The following PAX3 variants were observed in gnomAD, a reference collection of about 807,000 sequenced individuals.
The protein encoded by PAX3 is paired box protein Pax-3.
In PAX3, 14 loss-of-function variants were observed where a neutral mutation model predicts 51.6. That is an observed-to-expected ratio of 0.27 (90% confidence interval 0.18 to 0.42). The LOEUF is 0.42. Ranked by LOEUF, PAX3 falls within the 10% of genes least tolerant of loss-of-function variation. The pLI is 1.00. For synonymous variants in PAX3, 280 were observed against 253.4 expected (o/e 1.11, Z -1.00); for missense variants, 540 against 642.8 (o/e 0.84, Z 1.73).
intron 4 of PAX3, among the ~76,000 whole-genome samples, chr2:222,272,286 C>T (rs373316267): frequency 6.6e-6 from 1 of 152,150 alleles, no homozygotes; most frequent in Admixed American, 6.6e-5. Flanking sequence ...TCATTATACC[C>T]CTTCTCCCAA....
intron 4 of PAX3, among the ~76,000 whole-genome samples, chr2:222,285,916 C>A (rs1382619100): frequency 1.3e-5 from 2 of 152,200 alleles, no homozygotes; most frequent in Non-Finnish European, 2.9e-5. Flanking sequence ...AGTCTCCCAT[C>A]CCTGTCACAA....
intron 5 of PAX3, among the ~76,000 whole-genome samples, chr2:222,228,463 C>A (rs2106088161): frequency 6.6e-6 from 1 of 152,298 alleles, no homozygotes; most frequent in South Asian, 2.1e-4. Flanking sequence ...GGGTGCTGTA[C>A]AAGCTACATG....
intron 4 of PAX3, among the ~76,000 whole-genome samples, chr2:222,242,998 G>A (rs1409306993): frequency 1.3e-5 from 2 of 152,142 alleles, no homozygotes; most frequent in Non-Finnish European, 2.9e-5. Flanking sequence ...GAGATAACAA[G>A]TTAGTTATAC....
intron 4 of PAX3, among the ~76,000 whole-genome samples, chr2:222,234,680 G>A (rs777942193): frequency 2.0e-5 from 3 of 152,082 alleles, no homozygotes; most frequent in Non-Finnish European, 2.9e-5. Context: ...TGATTCTACC[G>A]ACCCCAGATA....
chr2:222,259,302 C>A (rs7596562), intron 4 of PAX3, among the ~76,000 whole-genome samples: 114,827 of 152,096 alleles, frequency 0.75, 43,940 homozygotes, highest in East Asian at 0.98. Context: ...ATACATTCTG[C>A]GATGGAAATT....
At chr2:222,230,770 G>A (rs1320191024) in intron 5 of PAX3, among the ~76,000 whole-genome samples, 3 of 148,248 alleles carry the variant, frequency 2.0e-5, no homozygotes, top group Non-Finnish European at 3.0e-5. Context: ...CAGGAGAATC[G>A]CTTGAACCCA....
chr2:222,252,265 C>G (rs1323125017), intron 4 of PAX3, among the ~76,000 whole-genome samples: 1 of 152,174 alleles, frequency 6.6e-6, no homozygotes, highest in Non-Finnish European at 1.5e-5. Context: ...CTATATGGAC[C>G]TTGACAGAAG....
intron 4 of PAX3, among the ~76,000 whole-genome samples, chr2:222,278,805 G>A (rs544508388): frequency 3.9e-5 from 6 of 152,296 alleles, no homozygotes; most frequent in South Asian, 2.1e-4. Context: ...CACCAAACAC[G>A]GACACCTGAA....
chr2:222,297,480 G>A (rs1392149853), intron 1 of PAX3, among the ~76,000 whole-genome samples: 1 of 152,170 alleles, frequency 6.6e-6, no homozygotes, highest in Non-Finnish European at 1.5e-5. Context: ...CTTCCCCTTC[G>A]GGCCCGGGGA....
intron 4 of PAX3, among the ~76,000 whole-genome samples, chr2:222,241,994 G>A (rs558576062): frequency 1.0e-3 from 155 of 152,280 alleles, no homozygotes; most frequent in Admixed American, 1.6e-3. Flanking sequence ...TACTATGACA[G>A]AATAAAATCA....
chr2:222,265,646 A>G lies in PAX3; in HGVS notation c.586+28521T>C, dbSNP rs113057231. 1.0e-4 allele frequency among the ~76,000 whole-genome samples: 11 copies of G among 109,246 alleles called. 1 individual carries two copies. The highest frequency in any genetic ancestry group is 3.5e-4 in the African/African-American group (10 of 28,440). 71.7% of individuals were successfully genotyped at this position (109,246 alleles called of 152,430 possible). A position where few individuals can be genotyped will look rare whatever the true frequency, so the allele number is the denominator to read the frequency against. ...ACAGAGTGAGACTCCATCAAAAAAA[A>G]GAAGGAAGGAAGGAAGGAAGGAAGG... On this transcript the variant is annotated intron_variant, in intron 4 of 8. Coordinates refer to ENST00000392070, the MANE Select transcript of PAX3 (RefSeq NM_181458.4).
At chr2:222,269,843 C>T (rs1694188011) in intron 4 of PAX3, among the ~76,000 whole-genome samples, 1 of 152,130 alleles carries the variant, frequency 6.6e-6, no homozygotes, top group Admixed American at 6.5e-5. Context: ...GGAAAAAATG[C>T]CACCTTCACA....
At chr2:222,207,932 T>G (rs938269059) in intron 7 of PAX3, among the ~76,000 whole-genome samples, 1 of 151,768 alleles carries the variant, frequency 6.6e-6, no homozygotes, top group African/African-American at 2.4e-5. Context: ...ATATAAAGGG[T>G]TTTTCAGGCT....
In PAX3 at chr2:222,235,214, T is replaced by C. The variant is rs191989852; in HGVS notation, c.587-2931A>G. Among the ~76,000 whole-genome samples, 741 of 152,308 alleles carry C rather than the reference T, an allele frequency of 4.9e-3. 9 individuals carry two copies. The highest frequency in any genetic ancestry group is 0.033 in the South Asian group (160 of 4,818). On this transcript the variant is annotated intron_variant, in intron 4 of 8. Transcript: ENST00000392070. Reference sequence around the variant, plus strand: ...GAATTAATCCTGAGGGTCAAGACCATGGTGTTTCACCTTAAAAATCAACAT... The same window carrying C: ...GAATTAATCCTGAGGGTCAAGACCACGGTGTTTCACCTTAAAAATCAACAT...
intron 4 of PAX3, chr2:222,262,412 A>C (rs912539964): frequency 6.6e-6 from 1 of 152,078 alleles, no homozygotes; most frequent in African/African-American, 2.4e-5. Flanking sequence ...ACCCCCCCTC[A>C]CCATTTTACT....
intron 4 of PAX3, among the ~76,000 whole-genome samples, chr2:222,250,888 A>G (rs1053776586): frequency 4.6e-5 from 7 of 152,298 alleles, no homozygotes; most frequent in African/African-American, 1.7e-4. Flanking sequence ...CCAACACATG[A>G]TCATTTGAGG....
chr2:222,229,506 C>T (rs960884881), intron 5 of PAX3, among the ~76,000 whole-genome samples: 1 of 152,038 alleles, frequency 6.6e-6, no homozygotes, highest in Non-Finnish European at 1.5e-5. Context: ...CTAGATTACA[C>T]AATCGGTTGT....
chr2:222,227,622 A>T (rs1167830654), intron 5 of PAX3, among the ~76,000 whole-genome samples: 2 of 152,104 alleles, frequency 1.3e-5, no homozygotes, highest in African/African-American at 2.4e-5. Flanking sequence ...TAATTAATTA[A>T]TATTTGCAAG....
At chr2:222,288,003 C>T (rs1694894186) in intron 4 of PAX3, among the ~76,000 whole-genome samples, 1 of 152,198 alleles carries the variant, frequency 6.6e-6, no homozygotes, top group African/African-American at 2.4e-5. Flanking sequence ...AATTTTACAA[C>T]CTCAGTTAGT....
Sources: allele counts gnomAD v4.1 joint callset (sites outside exome capture counted in the v4.1 genomes callset), GRCh38; gene constraint gnomAD v4.1.1; transcripts MANE v1.5; gene names NCBI Gene and HGNC (gene_info 2026-07-23, HGNC 2026-07-21).